The following HOMER2 variants were observed in gnomAD, a reference collection of about 807,000 sequenced individuals.
HOMER2 encodes homer scaffold protein 2.
A neutral mutation model predicts 47.0 loss-of-function variants in HOMER2; 27 were observed. That is an observed-to-expected ratio of 0.57 (90% CI 0.42 to 0.79). HOMER2 has a LOEUF of 0.79. HOMER2 is among the 30% of genes least tolerant of loss of function. The pLI is 0.00. For synonymous variants in HOMER2, 161 were observed against 163.8 expected, an observed-to-expected ratio of 0.98 and a Z score of 0.13; for missense variants, 443 against 435.0, an observed-to-expected ratio of 1.02 and a Z score of -0.16.
At chr15:82,847,536 A>G (rs539582221), downstream of HOMER2, among the ~76,000 whole-genome samples, 5 of 152,274 alleles carry the variant, frequency 3.3e-5, no homozygotes, top group African/African-American at 1.2e-4. Context: ...ACAGCAGCCC[A>G]CTGTGGAAAT....
chr15:82,900,607 A>T (rs1269567764), intron 1 of HOMER2, among the ~76,000 whole-genome samples: 2 of 152,326 alleles, frequency 1.3e-5, no homozygotes, highest in South Asian at 4.1e-4. Flanking sequence ...GTCTTAGCAA[A>T]TAAGTAGGTA....
Position 82,859,141 on chromosome 15 carries a change from T to G in HOMER2, c.388-6A>C, listed in dbSNP as rs1433583785. The G allele has an allele frequency of 5.6e-6, 9 of 1,613,742 alleles. No individual in the cohort carries two copies. Among genetic ancestry groups the G allele is most frequent in the Non-Finnish European group, 7.6e-6 (9 of 1,179,868 alleles). On this transcript the variant is annotated splice_polypyrimidine_tract_variant and splice_region_variant and intron_variant, in intron 4 of 8. Transcript: ENST00000450735. Reference sequence around the variant, plus strand: ...GTCCCGTTGACACTGGATGCCTGAGTAGAAGATGGGGTTTCACGCCCAGAT... The same window carrying G: ...GTCCCGTTGACACTGGATGCCTGAGGAGAAGATGGGGTTTCACGCCCAGAT...
intron 3 of HOMER2, among the ~76,000 whole-genome samples, chr15:82,867,093 T>G (rs916841831): frequency 2.0e-5 from 3 of 152,060 alleles, no homozygotes; most frequent in Non-Finnish European, 4.4e-5. Flanking sequence ...TGAGATAACT[T>G]TAGTAAATTG....
exon 2 of HOMER2, chr15:82,841,031 T>C (rs1012337536): frequency 2.0e-5 from 3 of 152,116 alleles, no homozygotes; most frequent in African/African-American, 7.2e-5. Context: ...ATTCATCTTA[T>C]TTAGGTATGA....
chr15:82,926,273 C>T (rs1018677302), intron 1 of HOMER2: 4 of 152,264 alleles, frequency 2.6e-5, no homozygotes, highest in African/African-American at 9.7e-5. Flanking sequence ...GGCACACTTT[C>T]TGACTCACAG....
chr15:82,939,666 T>C (rs373618758), intron 1 of HOMER2, among the ~76,000 whole-genome samples: 4 of 152,194 alleles, frequency 2.6e-5, no homozygotes, highest in African/African-American at 9.6e-5. Flanking sequence ...CAAGACTCTA[T>C]CTCAACAACA....
intron 1 of HOMER2, among the ~76,000 whole-genome samples, chr15:82,985,305 T>C (rs2030552917): frequency 6.6e-6 from 1 of 152,118 alleles, no homozygotes; most frequent in South Asian, 2.1e-4. Flanking sequence ...TGGATCACGG[T>C]GGTGCTTGAA....
In HOMER2 at chr15:82,892,666, T is replaced by G; in HGVS notation, c.162+19A>C. ...AGATAAGCAACTGGGAGTATTAAAA[T>G]CAGCTGAGGGGGTGGTACCTTGGCT... On this transcript the variant is annotated intron_variant, in intron 2 of 8. Transcript: ENST00000450735. 6.8e-7 allele frequency: 1 copy of G among 1,480,766 alleles called. No individual in the cohort carries two copies. Among genetic ancestry groups the G allele is most frequent in the South Asian group, 1.5e-5 (1 of 68,768 alleles). 91.7% of individuals were successfully genotyped at this position (1,480,766 alleles called of 1,614,324 possible).
intron 3 of HOMER2, among the ~76,000 whole-genome samples, chr15:82,873,298 A>G (rs1355905248): frequency 6.6e-6 from 1 of 152,104 alleles, no homozygotes; most frequent in African/African-American, 2.4e-5. Flanking sequence ...ACCAGAATAG[A>G]TACTGTGGAC....
At chr15:82,870,338 G>GC (rs1324787136) in intron 3 of HOMER2, among the ~76,000 whole-genome samples, 1 of 152,146 alleles carries the variant, frequency 6.6e-6, no homozygotes, top group African/African-American at 2.4e-5. Flanking sequence ...TGATAATGGG[G>GC]CCCCAGAAGT....
chr15:82,965,765 G>GC (rs532723998), intron 1 of HOMER2, among the ~76,000 whole-genome samples: 167 of 150,348 alleles, frequency 1.1e-3, no homozygotes, highest in South Asian at 6.5e-3. Flanking sequence ...GGTCCTCAAA[G>GC]CCCTTTTTTT....
At chr15:82,875,427 G>C in intron 2 of HOMER2, 23 bp from the exon 3 acceptor site, 1 of 1,612,690 alleles carries the variant, frequency 6.2e-7, no homozygotes, top group Non-Finnish European at 8.5e-7. Context: ...AGCCCAAAGA[G>C]TGAAAATTTA....
At chr15:82,880,876 C>T (rs952956101) in intron 2 of HOMER2, among the ~76,000 whole-genome samples, 9 of 152,174 alleles carry the variant, frequency 5.9e-5, no homozygotes, top group Admixed American at 1.3e-4. Context: ...TGGCAGTACA[C>T]GTGCCACAGG....
chr15:82,890,976 T>C (rs1174652635), intron 2 of HOMER2, among the ~76,000 whole-genome samples: 1 of 152,044 alleles, frequency 6.6e-6, no homozygotes, highest in African/African-American at 2.4e-5. Context: ...TGTTCCCCCA[T>C]CAAACACGAG....
chr15:82,983,127 G>A (rs1171359290), intron 1 of HOMER2, among the ~76,000 whole-genome samples: 1 of 152,154 alleles, frequency 6.6e-6, no homozygotes, highest in Admixed American at 6.5e-5. Flanking sequence ...CTATAGTTGG[G>A]CAAGCTCATT....
intron 1 of HOMER2, among the ~76,000 whole-genome samples, chr15:82,959,808 A>C (rs1044842770): frequency 1.3e-5 from 2 of 152,212 alleles, no homozygotes; most frequent in Admixed American, 6.5e-5. Context: ...GGTGGAACAA[A>C]AAGGAGGACA....
chr15:82,855,588 T>C (rs963226422), intron 5 of HOMER2, among the ~76,000 whole-genome samples: 1 of 152,190 alleles, frequency 6.6e-6, no homozygotes, highest in African/African-American at 2.4e-5. Flanking sequence ...CACTGTAACC[T>C]GTGCCTTCTC....
At chr15:82,982,331 C>T (rs1327485433) in intron 1 of HOMER2, among the ~76,000 whole-genome samples, 3 of 152,150 alleles carry the variant, frequency 2.0e-5, no homozygotes, top group South Asian at 2.1e-4. Flanking sequence ...AGAAAATTCC[C>T]CTTCATGAAA....
chr15:82,880,620 G>A (rs1205046070), intron 2 of HOMER2, among the ~76,000 whole-genome samples: 2 of 152,182 alleles, frequency 1.3e-5, no homozygotes, highest in Non-Finnish European at 2.9e-5. Context: ...GTGGGCAGAG[G>A]CTTATGAAAA....
Sources: allele counts gnomAD v4.1 joint callset (sites outside exome capture counted in the v4.1 genomes callset), GRCh38; gene constraint gnomAD v4.1.1; transcripts MANE v1.5; gene names NCBI Gene and HGNC (gene_info 2026-07-23, HGNC 2026-07-21).